Variants in ADAM10 observed in about 807,000 individuals in gnomAD.
ADAM10 encodes the protein ADAM metallopeptidase domain 10.
A neutral mutation model predicts 90.1 loss-of-function variants in ADAM10; 17 were observed. The ratio of observed to expected loss-of-function variants is 0.19; its 90% confidence interval spans 0.13 to 0.28. The LOEUF is 0.28. Ranked by LOEUF, ADAM10 falls within the 10% of genes least tolerant of loss-of-function variation. The probability of loss-of-function intolerance (pLI) is 1.00; values close to 1 mark genes in which losing one functional copy is unlikely to be tolerated. For missense variants in ADAM10, 610 were observed against 914.3 expected, an observed-to-expected ratio of 0.67 and a Z score of 4.29; for synonymous variants, 310 against 298.6, an observed-to-expected ratio of 1.04 and a Z score of -0.40.
At chr15:58,685,329 C>T (rs942966904) in intron 2 of ADAM10, among the ~76,000 whole-genome samples, 2 of 150,770 alleles carry the variant, frequency 1.3e-5, no homozygotes, top group African/African-American at 2.4e-5. Context: ...GGCGTGGTGA[C>T]GGGTGCCTGT....
rs1211867154 is a variant in ADAM10, at chr15:58,596,850, A to G, written c.*697T>C. ...GCCATGTGATAAAGAAAAAATGAGT[A>G]TCAAAACCAACTCCATCGTAACAGA... On this transcript the variant is annotated 3_prime_UTR_variant, in exon 16 of 16. Transcript: ENST00000260408. 1 of 155,590 alleles carries G rather than the reference A, an allele frequency of 6.4e-6. No individual in the cohort carries two copies. The highest frequency in any genetic ancestry group is 6.3e-5 in the Admixed American group (1 of 15,780). The allele number at this position is 155,590 out of a possible 1,614,324, so 9.6% of individuals were successfully genotyped here. A position where few individuals can be genotyped will look rare whatever the true frequency, so the allele number is the denominator to read the frequency against.
At chr15:58,645,697 A>G (rs1379149180) in intron 6 of ADAM10, among the ~76,000 whole-genome samples, 17 of 152,214 alleles carry the variant, frequency 1.1e-4, no homozygotes, top group African/African-American at 2.9e-4. Context: ...TGTAACTTAG[A>G]AAGTGCTACA....
rs1894814460 is a variant in ADAM10, at chr15:58,591,090, T to C, written c.*6457A>G. On this transcript the variant is annotated 3_prime_UTR_variant, in exon 16 of 16. Transcript: ENST00000260408. ...GATAAGCTGACCATACTCCTTGACA[T>C]GTTTAACAGAGAACAAATATTTTAC... 1 of 152,218 alleles carries C rather than the reference T, an allele frequency of 6.6e-6. No individual in the cohort carries two copies. The highest frequency in any genetic ancestry group is 2.4e-5 in the African/African-American group (1 of 41,462). The allele number at this position is 152,218 out of a possible 1,614,324, so 9.4% of individuals were successfully genotyped here. A position where few individuals can be genotyped will look rare whatever the true frequency, so the allele number is the denominator to read the frequency against.
intron 5 of ADAM10, among the ~76,000 whole-genome samples, chr15:58,656,899 T>G (rs1361912319): frequency 1.3e-5 from 2 of 152,236 alleles, no homozygotes; most frequent in Non-Finnish European, 2.9e-5. Flanking sequence ...GAAATCCATC[T>G]GTTTTTGTTT....
intron 2 of ADAM10, among the ~76,000 whole-genome samples, chr15:58,702,350 C>A (rs1364361127): frequency 6.6e-6 from 1 of 152,078 alleles, no homozygotes; most frequent in East Asian, 1.9e-4. Flanking sequence ...TGGGTACAAA[C>A]ATACAATTAG....
intron 2 of ADAM10, among the ~76,000 whole-genome samples, chr15:58,701,566 A>G (rs1297540372): frequency 1.3e-5 from 2 of 152,202 alleles, no homozygotes; most frequent in Non-Finnish European, 2.9e-5. Context: ...CCACTATGCA[A>G]AACAGCATAG....
chr15:58,593,149 ATTTT>A lies in ADAM10; in HGVS notation c.*4394_*4397del, dbSNP rs766149223. 12 of 68,466 alleles carry A rather than the reference ATTTT, an allele frequency of 1.8e-4. 1 individual carries two copies. Among genetic ancestry groups the A allele is most frequent in the Admixed American group, 8.5e-4 (4 of 4,726 alleles). 4.2% of individuals were successfully genotyped at this position (68,466 alleles called of 1,614,324 possible). On this transcript the variant is annotated 3_prime_UTR_variant, in exon 16 of 16. Transcript: ENST00000260408. Reference sequence around the variant, plus strand: ...AAAGTAACAAAGGCCAGGTACTCAAATTTTTTTTTTTTTTTTTTTTTTTTTTTTT... The same window carrying A: ...AAAGTAACAAAGGCCAGGTACTCAAATTTTTTTTTTTTTTTTTTTTTTTTT...
rs1279181547 is a variant in ADAM10, at chr15:58,597,307, G to T, written c.*240C>A. 1 of 1,368,176 alleles carries T rather than the reference G, an allele frequency of 7.3e-7. No individual in the cohort carries two copies. The highest frequency in any genetic ancestry group is 9.9e-7 in the Non-Finnish European group (1 of 1,012,074). The allele number at this position is 1,368,176 out of a possible 1,614,324, so 84.8% of individuals were successfully genotyped here. ...ATATTCTAAGACTTTGTGCCATTAA[G>T]TTAAAAATATCTGTTCATAAGAAAA... On this transcript the variant is annotated 3_prime_UTR_variant, in exon 16 of 16. Transcript: ENST00000260408.
intron 8 of ADAM10, among the ~76,000 whole-genome samples, chr15:58,633,901 T>TG (rs1555412981): frequency 8.5e-6 from 1 of 118,218 alleles, no homozygotes; most frequent in Admixed American, 8.7e-5. Context: ...TCAAGAAGGT[T>TG]AAAAAAAAAA....
At chr15:58,647,246 G>GCATTTTTT (rs1896569038) in intron 5 of ADAM10, among the ~76,000 whole-genome samples, 7 of 36,852 alleles carry the variant, frequency 1.9e-4, no homozygotes, top group African/African-American at 5.1e-4. Context: ...TAGACACTAA[G>GCATTTTTT]TATTTTTTTT....
At chr15:58,628,697 A>T (rs1896019725) in intron 9 of ADAM10, among the ~76,000 whole-genome samples, 1 of 152,190 alleles carries the variant, frequency 6.6e-6, no homozygotes, top group African/African-American at 2.4e-5. Flanking sequence ...AATGCCCCTC[A>T]AACAATTCAG....
At chr15:58,740,306 G>C (rs1453445422) in intron 1 of ADAM10, among the ~76,000 whole-genome samples, 3 of 152,216 alleles carry the variant, frequency 2.0e-5, no homozygotes, top group South Asian at 2.1e-4. Context: ...GCTACTCGGA[G>C]GCTGAGGCAC....
chr15:58,655,687 TTATATATAGTATATATATATATAGTATA>T (rs1459898869), intron 5 of ADAM10, among the ~76,000 whole-genome samples: 1 of 80,306 alleles, frequency 1.2e-5, no homozygotes, highest in Admixed American at 1.5e-4. Flanking sequence ...CATATATATA[TTATATATAGTATATATATATATAGTATA>T]TATATATATA....
chr15:58,723,042 A>ATT (rs10717942), intron 1 of ADAM10, among the ~76,000 whole-genome samples: 1 of 149,776 alleles, frequency 6.7e-6, no homozygotes, highest in African/African-American at 2.5e-5. Context: ...AAATCAGAGG[A>ATT]TTTTTTTTTT....
intron 11 of ADAM10, among the ~76,000 whole-genome samples, chr15:58,621,257 T>C (rs371146809): frequency 4.2e-5 from 4 of 94,838 alleles, no homozygotes; most frequent in Non-Finnish European, 5.6e-5. Context: ...AGCGAGACCC[T>C]GTCTCAAAAA....
chr15:58,617,692 T>G (rs1363146546), intron 11 of ADAM10, among the ~76,000 whole-genome samples: 5 of 152,048 alleles, frequency 3.3e-5, no homozygotes, highest in African/African-American at 1.2e-4. Flanking sequence ...CTCTTAGAAT[T>G]GATAAATGAA....
intron 10 of ADAM10, among the ~76,000 whole-genome samples, chr15:58,624,816 A>T (rs1394733777): frequency 1.3e-5 from 2 of 152,220 alleles, no homozygotes; most frequent in Admixed American, 1.3e-4. Context: ...TACAGGCATG[A>T]GCCACTCTGT....
At chr15:58,739,589 A>G (rs1174499886) in intron 1 of ADAM10, among the ~76,000 whole-genome samples, 1 of 152,210 alleles carries the variant, frequency 6.6e-6, no homozygotes, top group Non-Finnish European at 1.5e-5. Flanking sequence ...TCTTGCCAAA[A>G]TTAAATTCTG....
At chr15:58,706,342 G>C (rs953216345) in intron 2 of ADAM10, among the ~76,000 whole-genome samples, 1 of 152,284 alleles carries the variant, frequency 6.6e-6, no homozygotes, top group South Asian at 2.1e-4. Context: ...GCAGGCCTAT[G>C]ACAGGCCTGG....
Sources: gnomAD v4.1 joint callset for allele counts (sites outside exome capture counted in the v4.1 genomes callset) on GRCh38, gnomAD v4.1.1 for gene constraint, MANE v1.5 for transcripts, NCBI Gene and HGNC (gene_info 2026-07-23, HGNC 2026-07-21) for gene names.